Variants in FASTKD2 observed in about 807,000 individuals in gnomAD.
FASTKD2 encodes FAST kinase domain-containing protein 2, mitochondrial.
A neutral mutation model predicts 63.6 loss-of-function variants in FASTKD2; 51 were observed. That is an observed-to-expected ratio of 0.80 (90% CI 0.64 to 1.01). The LOEUF is 1.01. Among genes scored for constraint, FASTKD2 ranks in the 50% least tolerant of loss-of-function variants. The probability of loss-of-function intolerance (pLI) is 0.00; values close to 1 mark genes in which losing one functional copy is unlikely to be tolerated. For missense variants in FASTKD2, 786 were observed against 831.1 expected, an observed-to-expected ratio of 0.95 and a Z score of 0.67; for synonymous variants, 284 against 293.4, an observed-to-expected ratio of 0.97 and a Z score of 0.33.
intron 6 of FASTKD2, 37 bp from the exon 7 acceptor site, chr2:206,774,188 T>A (rs756413107): frequency 1.4e-6 from 2 of 1,449,310 alleles, no homozygotes; most frequent in Non-Finnish European, 1.9e-6. Context: ...CATACTGTAA[T>A]TATTATAGAG....
intron 2 of FASTKD2, among the ~76,000 whole-genome samples, chr2:206,769,071 A>G (rs950038191): frequency 1.3e-5 from 2 of 152,228 alleles, no homozygotes; most frequent in Admixed American, 6.5e-5. Flanking sequence ...TTTGTAGTCA[A>G]AACATCTGTA....
In FASTKD2 at chr2:206,794,769, A is replaced by G. The variant is rs1690397339; in HGVS notation, c.*2967A>G. Among the ~76,000 whole-genome samples the G allele has an allele frequency of 6.6e-6, 1 of 152,216 alleles. No homozygotes were observed. Among genetic ancestry groups the G allele is most frequent in the African/African-American group, 2.4e-5 (1 of 41,452 alleles). ...CATGGACCTCAAATGCAATTGAACT[A>G]TTCATATCAAGTATTTCCAAATAAC... On this transcript the variant is annotated 3_prime_UTR_variant, in exon 12 of 12. Transcript: ENST00000402774.
At chr2:206,771,327 A>T in intron 4 of FASTKD2, 37 bp downstream of exon 4, 2 of 1,256,146 alleles carry the variant, frequency 1.6e-6, no homozygotes, top group Non-Finnish European at 2.3e-6. Flanking sequence ...ATGAGATTTG[A>T]AAAAATCTTT....
In FASTKD2 at chr2:206,795,263, G is replaced by A. The variant is rs1280954127; in HGVS notation, c.*3461G>A. On this transcript the variant is annotated 3_prime_UTR_variant, in exon 12 of 12. Transcript: ENST00000402774. ...TCTTTTTTTTTCCTGAGACGGAGTC[G>A]TGGTCTGTCGCCCAGGCTGGAGTGC... 6.6e-6 allele frequency among the ~76,000 whole-genome samples: 1 copy of A among 152,026 alleles called. No homozygotes were observed. The highest frequency in any genetic ancestry group is 2.4e-5 in the African/African-American group (1 of 41,406).
chr2:206,771,617 G>A (rs1689683317), intron 4 of FASTKD2, among the ~76,000 whole-genome samples: 2 of 123,918 alleles, frequency 1.6e-5, no homozygotes, highest in Non-Finnish European at 3.1e-5. Context: ...AGGAGTTTGA[G>A]ACCAGCCTGG....
At position 206,793,573 on chromosome 2, in the gene FASTKD2, G is replaced by A. The variant is rs113972123; in HGVS notation, c.*1771G>A. Among the ~76,000 whole-genome samples, 2 of 152,304 alleles carry A rather than the reference G, an allele frequency of 1.3e-5. No homozygotes were observed. Among genetic ancestry groups the A allele is most frequent in the African/African-American group, 4.8e-5 (2 of 41,556 alleles). On this transcript the variant is annotated 3_prime_UTR_variant, in exon 12 of 12. Coordinates refer to ENST00000402774, the MANE Select transcript of FASTKD2 (RefSeq NM_001136193.2). ...CTTATAAGCTTCAGAACAAGATGCA[G>A]ATATTCTGTTATTAAAGGAACTAAG... is the stretch of plus-strand genomic sequence containing the variant.
At position 206,782,014 on chromosome 2, in the gene FASTKD2, C is replaced by T. The variant is rs77191504; in HGVS notation, c.1428-4719C>T. 4.7e-3 allele frequency among the ~76,000 whole-genome samples: 712 copies of T among 152,310 alleles called. 8 individuals are homozygous for T. Among genetic ancestry groups the T allele is most frequent in the African/African-American group, 0.016 (673 of 41,578 alleles). On this transcript the variant is annotated intron_variant, in intron 7 of 11. Transcript: ENST00000402774. ...CGGGTTGCGTACCTTCTCTCAATCT[C>T]TCAGAGCTGTGCTGAGTGCAGGAAG... is the stretch of plus-strand genomic sequence containing the variant.
chr2:206,771,814 G>A, intron 4 of FASTKD2, 80 bp from the exon 5 acceptor site: 1 of 1,165,542 alleles, frequency 8.6e-7, no homozygotes, highest in Non-Finnish European at 1.3e-6. Context: ...GACAGCACAA[G>A]ACCCTGTCTC....
Position 206,774,240 on chromosome 2 carries a change from A to G in FASTKD2, c.1270A>G (p.Ile424Val), listed in dbSNP as rs1412792329. The stretch of plus-strand genomic sequence containing the variant: ...TCTTTTTAAGGTTCTTTTTATCCTC[A>G]TTTTATTTGAAAACCTTGGCTTTCG... ...WKFRKVLFIL[I>V]LFENLGFRPV... Residue 424 changes from isoleucine (I) to valine (V), a missense_variant, in exon 7 of 12, where the codon ATT becomes GTT. By Grantham distance (29) the Ile-to-Val change is conservative. Transcript: ENST00000402774. 1 of 1,609,856 alleles carries G rather than the reference A, an allele frequency of 6.2e-7. No homozygotes were observed. The highest frequency in any genetic ancestry group is 8.5e-7 in the Non-Finnish European group (1 of 1,177,242).
Position 206,788,908 on chromosome 2 carries a change from CT to C in FASTKD2, c.1898+7del. ...TTCTGCTACAGATATTCAAAGGTTG[CT>C]TACATATATTTCATTTGCTGGGCTT... On this transcript the variant is annotated splice_donor_region_variant and intron_variant, in intron 10 of 11. Transcript: ENST00000402774. The C allele has an allele frequency of 1.4e-6, 2 of 1,452,200 alleles. No individual in the cohort carries two copies. The highest frequency in any genetic ancestry group is 1.9e-6 in the Non-Finnish European group (2 of 1,033,046). The allele number at this position is 1,452,200 out of a possible 1,614,324, so 90.0% of individuals were successfully genotyped here. A position where few individuals can be genotyped will look rare whatever the true frequency, so the allele number is the denominator to read the frequency against.
In FASTKD2 at chr2:206,771,057, G is replaced by A. The variant is rs111452375; in HGVS notation, c.882-125G>A. The A allele has an allele frequency of 4.8e-3, 3,192 of 665,206 alleles. 81 individuals carry two copies. The African/African-American group carries it at 0.05, about 10-fold the overall frequency. 41.2% of individuals were successfully genotyped at this position (665,206 alleles called of 1,614,324 possible). A position where few individuals can be genotyped will look rare whatever the true frequency, so the allele number is the denominator to read the frequency against. On this transcript the variant is annotated intron_variant, in intron 3 of 11. Transcript: ENST00000402774. ...TAACTACTTACACTCTCTCAAGCAG[G>A]TAGATCATTTCTCTGGGCTTCATAA...
At chr2:206,769,955 T>G in intron 2 of FASTKD2, 136 bp from the exon 3 acceptor site, 3 of 701,618 alleles carry the variant, frequency 4.3e-6, no homozygotes, top group Non-Finnish European at 7.9e-6. Context: ...TGCTGTTTAT[T>G]GTGGACTGAC....
intron 6 of FASTKD2, among the ~76,000 whole-genome samples, chr2:206,773,998 T>G (rs1689755239): frequency 6.6e-6 from 1 of 152,122 alleles, no homozygotes; most frequent in Non-Finnish European, 1.5e-5. Flanking sequence ...GCCCTGGTTC[T>G]CAGCTTAAAA....
chr2:206,785,155 T>C (rs576215770), intron 7 of FASTKD2, among the ~76,000 whole-genome samples: 4 of 152,152 alleles, frequency 2.6e-5, no homozygotes, highest in Non-Finnish European at 5.9e-5. Context: ...GTGAGACTTA[T>C]TGACTACCAC....
rs780798262 is a variant in FASTKD2 at position 206,794,168 on chromosome 2, A to G, written c.*2366A>G. ...TGAAACCACAATCAAGATAATGAAT[A>G]TATCTATCACCTCTAAAAGGTTCCT... On this transcript the variant is annotated 3_prime_UTR_variant, in exon 12 of 12. Transcript: ENST00000402774. Among the ~76,000 whole-genome samples, 1 of 152,206 alleles carries G rather than the reference A, an allele frequency of 6.6e-6. No homozygotes were observed. The highest frequency in any genetic ancestry group is 6.5e-5 in the Admixed American group (1 of 15,282).
chr2:206,770,729 C>CAAA (rs549037266), intron 3 of FASTKD2, among the ~76,000 whole-genome samples: 12 of 77,124 alleles, frequency 1.6e-4, no homozygotes, highest in Admixed American at 4.7e-4. Flanking sequence ...GACTCTGTCT[C>CAAA]AAAAAAAAAA....
intron 9 of FASTKD2, among the ~76,000 whole-genome samples, chr2:206,788,550 T>C (rs1186423353): frequency 6.6e-6 from 1 of 151,804 alleles, no homozygotes; most frequent in African/African-American, 2.4e-5. Context: ...CCTGACCAAA[T>C]GGTAAAATCC....
rs1018511548 is a variant in FASTKD2, at chr2:206,793,011, C to G, written c.*1209C>G. On this transcript the variant is annotated 3_prime_UTR_variant, in exon 12 of 12. Transcript: ENST00000402774. ...GGCCGAGGTGGGCTGATCATGAGGTCAGGAGGTCAAGACAATCCTGGCCAA... is the reference window on the plus strand; with the variant it reads ...GGCCGAGGTGGGCTGATCATGAGGTGAGGAGGTCAAGACAATCCTGGCCAA... Among the ~76,000 whole-genome samples, 28 of 152,162 alleles carry G rather than the reference C, an allele frequency of 1.8e-4. No individual in the cohort carries two copies. The highest frequency in any genetic ancestry group is 5.5e-4 in the African/African-American group (23 of 41,538).
chr2:206,767,145 C>T lies in FASTKD2; in HGVS notation c.452C>T (p.Pro151Leu), dbSNP rs1689529600. The change falls in exon 2 of 12, where the codon CCA becomes CTA. Residue 151 changes from proline to leucine, a missense_variant. Pro to Leu is a moderately conservative substitution (Grantham distance 98, BLOSUM62 -3). Transcript: ENST00000402774. ...GATGTTCTTACCAAGGAAACAAAAC[C>T]AAACCGTATCAGCAGTAGAAAACTG... ...NEDVLTKETK[P>L]NRISSRKLSE... The T allele has an allele frequency of 2.5e-6, 4 of 1,614,054 alleles. No homozygotes were observed. Among genetic ancestry groups the T allele is most frequent in the Middle Eastern group, 3.3e-4 (2 of 6,062 alleles).
Sources: allele counts gnomAD v4.1 joint callset (sites outside exome capture counted in the v4.1 genomes callset), GRCh38; gene constraint gnomAD v4.1.1; transcripts MANE v1.5; gene names NCBI Gene and HGNC (gene_info 2026-07-23, HGNC 2026-07-21).